Variants in CDC14A observed in about 807,000 individuals in gnomAD.
CDC14A encodes the protein dual specificity protein phosphatase CDC14A.
CDC14A carries 53 observed loss-of-function variants against 74.4 expected under a neutral mutation model. That is an observed-to-expected ratio of 0.71 (90% CI 0.57 to 0.89). The LOEUF is 0.89. Ranked by LOEUF, CDC14A falls within the 40% of genes least tolerant of loss-of-function variation. The pLI is 0.00. For missense variants in CDC14A, 646 were observed against 713.7 expected (o/e 0.91, Z 1.08); for synonymous variants, 247 against 258.4 (o/e 0.96, Z 0.43).
intron 5 of CDC14A, among the ~76,000 whole-genome samples, chr1:100,427,877 A>C (rs1297410739): frequency 6.6e-6 from 1 of 152,140 alleles, no homozygotes; most frequent in Non-Finnish European, 1.5e-5. Flanking sequence ...ATACTGAGGA[A>C]GGAGGTTTAA....
chr1:100,448,702 A>G (rs1245893048), intron 7 of CDC14A, among the ~76,000 whole-genome samples: 4 of 152,206 alleles, frequency 2.6e-5, no homozygotes, highest in African/African-American at 7.2e-5. Flanking sequence ...AACATTTCTT[A>G]TTTGAAAGTC....
intron 2 of CDC14A, among the ~76,000 whole-genome samples, chr1:100,374,757 G>A (rs1260806870): frequency 6.6e-6 from 1 of 152,158 alleles, no homozygotes; most frequent in Non-Finnish European, 1.5e-5. Flanking sequence ...TTGGGTGGCA[G>A]CAAAAAAATT....
chr1:100,447,043 C>T (rs1214331523), intron 7 of CDC14A, among the ~76,000 whole-genome samples: 3 of 152,096 alleles, frequency 2.0e-5, no homozygotes, highest in Non-Finnish European at 4.4e-5. Context: ...TTTAGACTAG[C>T]CATATTTCAA....
rs1651477481 is a variant in CDC14A at position 100,353,780 on chromosome 1, C to T, written c.68C>T (p.Thr23Ile). ...EFMKDRLYFA[T>I]LRNRPKSTVN... The stretch of plus-strand genomic sequence containing the variant: ...CTTTCAGATCGGTTATATTTTGCTA[C>T]TTTAAGGAATAGACCAAAAAGCACA... The change falls in exon 2 of 16, where the codon ACT becomes ATT. Residue 23 changes from threonine to isoleucine, a missense_variant. Coordinates refer to ENST00000336454, the MANE Select transcript of CDC14A (RefSeq NM_003672.4). 3.8e-6 allele frequency: 6 copies of T among 1,599,740 alleles called. No individual in the cohort carries two copies. The highest frequency in any genetic ancestry group is 5.1e-6 in the Non-Finnish European group (6 of 1,168,708).
At chr1:100,350,805 T>C (rs1650897821), upstream of CDC14A, among the ~76,000 whole-genome samples, 1 of 152,258 alleles carries the variant, frequency 6.6e-6, no homozygotes, top group African/African-American at 2.4e-5. Flanking sequence ...TGGATTTATT[T>C]AGCCTTTTAA....
At chr1:100,398,869 A>C (rs1230749696) in intron 4 of CDC14A, among the ~76,000 whole-genome samples, 1 of 152,106 alleles carries the variant, frequency 6.6e-6, no homozygotes, top group Admixed American at 6.6e-5. Context: ...AGGTTCCAAG[A>C]TGGTCAATCC....
intron 4 of CDC14A, among the ~76,000 whole-genome samples, chr1:100,392,314 C>A (rs1444787992): frequency 1.3e-5 from 2 of 152,140 alleles, no homozygotes; most frequent in East Asian, 1.9e-4. Flanking sequence ...AAAGACTGTA[C>A]TAATTTCTGG....
At chr1:100,502,283 A>G (rs10783133) in intron 15 of CDC14A, among the ~76,000 whole-genome samples, 142,466 of 152,270 alleles carry the variant, frequency 0.94, 67,192 homozygotes, top group Non-Finnish European at 1. Context: ...TATCCATGGT[A>G]AGTGCCCTTT....
chr1:100,478,404 A>T (rs1376468326), intron 10 of CDC14A, among the ~76,000 whole-genome samples: 3 of 152,112 alleles, frequency 2.0e-5, no homozygotes, highest in South Asian at 2.1e-4. Context: ...AGATAGATAG[A>T]TCTATCTGTG....
chr1:100,478,526 G>A (rs894341515), intron 10 of CDC14A, among the ~76,000 whole-genome samples: 3 of 152,150 alleles, frequency 2.0e-5, no homozygotes, highest in African/African-American at 7.2e-5. Flanking sequence ...GGGCTCCCAC[G>A]GGGATTTTCA....
In CDC14A at chr1:100,423,740, T is replaced by C. The variant is rs895591189; in HGVS notation, c.310-482T>C. The C allele has an allele frequency of 3.8e-5, 6 of 156,300 alleles. 1 individual carries two copies. 9.7% of individuals were successfully genotyped at this position (156,300 alleles called of 1,614,324 possible). A position where few individuals can be genotyped will look rare whatever the true frequency, so the allele number is the denominator to read the frequency against. On this transcript the variant is annotated intron_variant, in intron 4 of 15. Coordinates refer to ENST00000336454, the MANE Select transcript of CDC14A (RefSeq NM_003672.4). The stretch of plus-strand genomic sequence containing the variant: ...TTTCACCCATTTTATTGTGATTTTA[T>C]TGAGTGTCTAGAGAGCAACACTGGC...
chr1:100,441,360 C>G (rs1395209795), intron 6 of CDC14A, among the ~76,000 whole-genome samples: 1 of 152,170 alleles, frequency 6.6e-6, no homozygotes, highest in Non-Finnish European at 1.5e-5. Flanking sequence ...AGTTCATTCT[C>G]TTACATAAGG....
chr1:100,391,160 A>G (rs932489174), intron 4 of CDC14A: 7 of 304,686 alleles, frequency 2.3e-5, no homozygotes, highest in Non-Finnish European at 4.4e-5. Flanking sequence ...AAATGCATGA[A>G]ATATGATATT....
At chr1:100,453,264 C>T (rs1251571810) in intron 7 of CDC14A, among the ~76,000 whole-genome samples, 3 of 152,068 alleles carry the variant, frequency 2.0e-5, no homozygotes, top group Non-Finnish European at 4.4e-5. Context: ...GCTATTTAAC[C>T]AAATGGATTT....
In CDC14A at chr1:100,493,574, A is replaced by C. The variant is rs549837751; in HGVS notation, c.1138-1244A>C. On this transcript the variant is annotated intron_variant, in intron 11 of 15. Transcript: ENST00000336454. ...GGAGATTTTTTAGAAGTGCAACTTGAGACTCTAAGAGAATCCTCTGTCATG... is the reference window on the plus strand; with the variant it reads ...GGAGATTTTTTAGAAGTGCAACTTGCGACTCTAAGAGAATCCTCTGTCATG... Among the ~76,000 whole-genome samples, 230 of 152,322 alleles carry C rather than the reference A, an allele frequency of 1.5e-3. 2 individuals are homozygous for C. The highest frequency in any genetic ancestry group is 5.0e-3 in the African/African-American group (206 of 41,574).
chr1:100,447,119 A>G (rs1366271622), intron 7 of CDC14A, among the ~76,000 whole-genome samples: 2 of 152,218 alleles, frequency 1.3e-5, no homozygotes, highest in Non-Finnish European at 2.9e-5. Flanking sequence ...ATGTACTGTC[A>G]TAGTCCATCA....
intron 11 of CDC14A, among the ~76,000 whole-genome samples, chr1:100,491,193 T>TAAA (rs1376620090): frequency 6.6e-6 from 1 of 152,088 alleles, no homozygotes; most frequent in African/African-American, 2.4e-5. Context: ...GACAGAGATT[T>TAAA]AAAAAAATTT....
intron 5 of CDC14A, among the ~76,000 whole-genome samples, chr1:100,434,608 C>A (rs913087265): frequency 3.9e-5 from 6 of 152,076 alleles, no homozygotes; most frequent in Non-Finnish European, 8.8e-5. Context: ...AGAGGTGAAA[C>A]CAATGGTGCA....
chr1:100,399,481 C>T (rs1425120299), intron 4 of CDC14A, among the ~76,000 whole-genome samples: 1 of 152,066 alleles, frequency 6.6e-6, no homozygotes, highest in Non-Finnish European at 1.5e-5. Context: ...GTGAAATCTC[C>T]AATTTCATGT....
Sources: allele counts gnomAD v4.1 joint callset (sites outside exome capture counted in the v4.1 genomes callset), GRCh38; gene constraint gnomAD v4.1.1; transcripts MANE v1.5; gene names NCBI Gene and HGNC (gene_info 2026-07-23, HGNC 2026-07-21).